The following CMC2 variants were observed in gnomAD, a reference collection of about 807,000 sequenced individuals.
The protein encoded by CMC2 is COX assembly mitochondrial protein 2 homolog.
A neutral mutation model predicts 7.5 loss-of-function variants in CMC2; 5 were observed. That is an observed-to-expected ratio of 0.66 (90% CI 0.35 to 1.40). The LOEUF (loss-of-function observed/expected upper bound fraction) is 1.40. Among genes scored for constraint, CMC2 ranks in the 40% most tolerant of loss-of-function variants. The probability of loss-of-function intolerance (pLI) is 0.04; values close to 1 mark genes in which losing one functional copy is unlikely to be tolerated. For missense variants in CMC2, 115 were observed against 92.3 expected, an observed-to-expected ratio of 1.25 and a Z score of -1.01; for synonymous variants, 37 against 31.4, an observed-to-expected ratio of 1.18 and a Z score of -0.60.
chr16:80,983,428 C>G (rs146522355), intron 2 of CMC2: 2 of 152,344 alleles, frequency 1.3e-5, no homozygotes, highest in Non-Finnish European at 2.9e-5. Context: ...AGCCTACTTA[C>G]TAACTCACCA....
chr16:80,970,556 T>C lies in CMC2; in HGVS notation c.*5537A>G, dbSNP rs1036054259. On this transcript the variant is annotated 3_prime_UTR_variant, in exon 4 of 4. Coordinates refer to ENST00000219400, the MANE Select transcript of CMC2 (RefSeq NM_020188.5). ...TCACAAGAGAAGTCTGATGTATCTATTAAACATTATACTGAATGTTCTAAG... is the reference window on the plus strand; with the variant it reads ...TCACAAGAGAAGTCTGATGTATCTACTAAACATTATACTGAATGTTCTAAG... 28 of 152,216 alleles carry C rather than the reference T, an allele frequency of 1.8e-4. No individual in the cohort carries two copies. Among genetic ancestry groups the C allele is most frequent in the Non-Finnish European group, 1.5e-5 (1 of 68,038 alleles). The allele number at this position is 152,216 out of a possible 1,614,324, so 9.4% of individuals were successfully genotyped here.
In CMC2 at chr16:80,969,603, G is replaced by C. The variant is rs899689955; in HGVS notation, c.*6490C>G. 1.3e-5 allele frequency: 2 copies of C among 152,282 alleles called. No individual in the cohort carries two copies. Among genetic ancestry groups the C allele is most frequent in the African/African-American group, 4.8e-5 (2 of 41,438 alleles). The allele number at this position is 152,282 out of a possible 1,614,324, so 9.4% of individuals were successfully genotyped here. On this transcript the variant is annotated 3_prime_UTR_variant, in exon 4 of 4. Coordinates refer to ENST00000219400, the MANE Select transcript of CMC2 (RefSeq NM_020188.5). The stretch of plus-strand genomic sequence containing the variant: ...GGATAGGGACAACAGAAGTGATGAA[G>C]AGAGCCAGGCACGGTGGTTCAGGCC...
rs1193792499 is a variant in CMC2 at position 80,997,441 on chromosome 16, A to C, written c.-35-12T>G. On this transcript the variant is annotated splice_polypyrimidine_tract_variant and intron_variant, in intron 1 of 3. Coordinates refer to ENST00000219400, the MANE Select transcript of CMC2 (RefSeq NM_020188.5). Reference sequence around the variant, plus strand: ...CACAGCAGTGCAACCTGTGGATACAAGAGTGTCTTGAATATGCATAAACAC... The same window carrying C: ...CACAGCAGTGCAACCTGTGGATACACGAGTGTCTTGAATATGCATAAACAC... 2 of 1,414,384 alleles carry C rather than the reference A, an allele frequency of 1.4e-6. No individual in the cohort carries two copies. The highest frequency in any genetic ancestry group is 4.6e-5 in the East Asian group (2 of 43,894). 87.6% of individuals were successfully genotyped at this position (1,414,384 alleles called of 1,614,324 possible). A position where few individuals can be genotyped will look rare whatever the true frequency, so the allele number is the denominator to read the frequency against.
At chr16:80,993,558 A>C (rs1358229012) in intron 2 of CMC2, among the ~76,000 whole-genome samples, 2 of 152,234 alleles carry the variant, frequency 1.3e-5, no homozygotes, top group African/African-American at 4.8e-5. Flanking sequence ...GAACAATTAC[A>C]GCAGCTACAA....
intron 2 of CMC2, among the ~76,000 whole-genome samples, chr16:80,990,776 T>G (rs1194714598): frequency 1.3e-5 from 2 of 152,124 alleles, no homozygotes; most frequent in Non-Finnish European, 2.9e-5. Flanking sequence ...TGGAATGCAG[T>G]GGCACAATCA....
At chr16:81,004,021 G>A (rs1056039460) in intron 1 of CMC2, among the ~76,000 whole-genome samples, 2 of 152,178 alleles carry the variant, frequency 1.3e-5, no homozygotes, top group Non-Finnish European at 2.9e-5. Flanking sequence ...TCAGGAGTTC[G>A]AGACCAGCCT....
In CMC2 at chr16:80,969,963, TCAGA is replaced by T. The variant is rs1426707053; in HGVS notation, c.*6126_*6129del. 6.6e-6 allele frequency: 1 copy of T among 152,100 alleles called. No homozygotes were observed. The highest frequency in any genetic ancestry group is 2.4e-5 in the African/African-American group (1 of 41,392). 9.4% of individuals were successfully genotyped at this position (152,100 alleles called of 1,614,324 possible). On this transcript the variant is annotated 3_prime_UTR_variant, in exon 4 of 4. Coordinates refer to ENST00000219400, the MANE Select transcript of CMC2 (RefSeq NM_020188.5). ...TTAGGAATCTGCTGGAAAATGAGGCTCAGACAACCAAAATGACTAGGGAGATATT... is the reference window on the plus strand; with the variant it reads ...TTAGGAATCTGCTGGAAAATGAGGCTCAACCAAAATGACTAGGGAGATATT...
rs377165984 is a variant in CMC2 at position 81,005,346 on chromosome 16, A to T, written c.-36+1388T>A. On this transcript the variant is annotated intron_variant, in intron 1 of 3. Transcript: ENST00000219400. ...AGAATCACTAGAACTCGGGAGGTGG[A>T]GGTTGCAGTGAGCCGAGATCGCGCC... Among the ~76,000 whole-genome samples, 8 of 152,232 alleles carry T rather than the reference A, an allele frequency of 5.3e-5. No individual in the cohort carries two copies. The East Asian group carries it at 1.5e-3, about 29-fold the overall frequency.
At chr16:81,002,243 G>C (rs957834082) in intron 1 of CMC2, among the ~76,000 whole-genome samples, 5 of 152,100 alleles carry the variant, frequency 3.3e-5, no homozygotes, top group African/African-American at 9.7e-5. Flanking sequence ...TGGCCAACAT[G>C]CCGAAACCCC....
In CMC2 at chr16:80,970,356, AT is replaced by A. The variant is rs1338693710; in HGVS notation, c.*5736del. 6.6e-6 allele frequency: 1 copy of A among 152,194 alleles called. No individual in the cohort carries two copies. The highest frequency in any genetic ancestry group is 1.5e-5 in the Non-Finnish European group (1 of 68,044). The allele number at this position is 152,194 out of a possible 1,614,324, so 9.4% of individuals were successfully genotyped here. ...GTAAAGGAATTGGAGAAAATGCAGT[AT>A]TTAGCTTTTGAGTTTCACAAATATG... On this transcript the variant is annotated 3_prime_UTR_variant, in exon 4 of 4. Coordinates refer to ENST00000219400, the MANE Select transcript of CMC2 (RefSeq NM_020188.5).
chr16:80,980,935 T>G, intron 3 of CMC2: 1 of 624,492 alleles, frequency 1.6e-6, no homozygotes. Context: ...CACTGAGTAC[T>G]CCAAAAAGTT....
At position 80,976,156 on chromosome 16, in the gene CMC2, G is replaced by A; in HGVS notation, c.177C>T (p.Ser59=). The change falls in exon 4 of 4, where the codon AGC becomes AGT. Residue 59 remains serine (S), a synonymous_variant. Transcript: ENST00000219400. ...KNEYVENRTK[S]REHGIAMRKK... is the part of the protein sequence containing the mutation. ...TTCGCATTGCAATGCCATGCTCCCT[G>A]CTCTTGGTCCTGTTTTCTACGTACT... 6.2e-7 allele frequency: 1 copy of A among 1,605,014 alleles called. No individual in the cohort carries two copies. The highest frequency in any genetic ancestry group is 8.5e-7 in the Non-Finnish European group (1 of 1,173,302).
chr16:80,992,758 G>A (rs1427806885), intron 2 of CMC2, among the ~76,000 whole-genome samples: 1 of 145,210 alleles, frequency 6.9e-6, no homozygotes, highest in Non-Finnish European at 1.5e-5. Context: ...CACACAGGCT[G>A]ATGTGTTGTA....
chr16:80,989,041 G>C (rs1215000144), intron 2 of CMC2, among the ~76,000 whole-genome samples: 1 of 152,164 alleles, frequency 6.6e-6, no homozygotes, highest in Admixed American at 6.5e-5. Context: ...CACATCAAGA[G>C]GCACATGGCA....
chr16:80,987,935 G>A (rs966582698), intron 2 of CMC2, among the ~76,000 whole-genome samples: 2 of 152,052 alleles, frequency 1.3e-5, no homozygotes, highest in African/African-American at 4.8e-5. Context: ...CAGCACTTTG[G>A]GAGGCCAAGG....
intron 2 of CMC2, among the ~76,000 whole-genome samples, chr16:80,990,815 C>A (rs993932298): frequency 1.3e-4 from 20 of 152,098 alleles, no homozygotes; most frequent in African/African-American, 4.3e-4. Context: ...ACCTCCCAGG[C>A]TCAAGTGATC....
chr16:80,979,877 C>A (rs1966987855), intron 3 of CMC2, among the ~76,000 whole-genome samples: 6 of 152,122 alleles, frequency 3.9e-5, no homozygotes, highest in Admixed American at 3.9e-4. Flanking sequence ...CTGTCTTGGC[C>A]TCTCAGAATG....
intron 1 of CMC2, among the ~76,000 whole-genome samples, chr16:81,004,735 T>C (rs1969123000): frequency 6.6e-6 from 1 of 152,234 alleles, no homozygotes; most frequent in South Asian, 2.1e-4. Context: ...ATTATAGCTT[T>C]CTTTTACTCA....
At chr16:80,977,764 T>C (rs1329871314) in intron 3 of CMC2, among the ~76,000 whole-genome samples, 1 of 152,172 alleles carries the variant, frequency 6.6e-6, no homozygotes, top group African/African-American at 2.4e-5. Context: ...AACTTTTTAT[T>C]ACTTCCTTGT....
Sources: gnomAD v4.1 joint callset for allele counts (sites outside exome capture counted in the v4.1 genomes callset) on GRCh38, gnomAD v4.1.1 for gene constraint, MANE v1.5 for transcripts, NCBI Gene and HGNC (gene_info 2026-07-23, HGNC 2026-07-21) for gene names.